CABIN1: variants seen among roughly 807,000 people sequenced by gnomAD.
CABIN1 encodes the protein calcineurin-binding protein cabin-1.
A neutral mutation model predicts 227.7 loss-of-function variants in CABIN1; 133 were observed. The ratio of observed to expected loss-of-function variants is 0.58; its 90% CI spans 0.51 to 0.67. The LOEUF is 0.67. Among genes scored for constraint, CABIN1 ranks in the 30% least tolerant of loss-of-function variants. The probability of loss-of-function intolerance (pLI) is 0.00; values close to 1 mark genes in which losing one functional copy is unlikely to be tolerated. For missense variants in CABIN1, 2,408 were observed against 2,852.5 expected (o/e 0.84, Z 3.55); for synonymous variants, 1,086 against 1,155.1 (o/e 0.94, Z 1.21).
intron 1 of CABIN1, among the ~76,000 whole-genome samples, chr22:24,024,780 G>A (rs1180863582): frequency 2.6e-5 from 4 of 151,516 alleles, no homozygotes; most frequent in East Asian, 1.9e-4. Context: ...CATTTATTTC[G>A]CCTGCTCACA....
chr22:24,119,593 A>G lies in CABIN1; in HGVS notation c.4527A>G (p.Thr1509=). 2 of 1,613,612 alleles carry G rather than the reference A, an allele frequency of 1.2e-6. No individual in the cohort carries two copies. The highest frequency in any genetic ancestry group is 1.7e-6 in the Non-Finnish European group (2 of 1,179,908). Reference sequence around the variant, plus strand: ...CTGAGGAGCAGCGGCAGTTTCTCACAGAGCAGTGCATCGCCTCCTTCCGCC... The same window carrying G: ...CTGAGGAGCAGCGGCAGTTTCTCACGGAGCAGTGCATCGCCTCCTTCCGCC... ...AGAEEQRQFL[T]EQCIASFRLC... is the part of the protein sequence containing the mutation. The change falls in exon 28 of 37, where the codon ACA becomes ACG. Residue 1509 remains threonine (T), a synonymous_variant. Transcript: ENST00000263119.
chr22:24,098,035 C>A lies in CABIN1; in HGVS notation c.3960C>A (p.Asp1320Glu), dbSNP rs917149286. The A allele has an allele frequency of 6.2e-7, 1 of 1,614,050 alleles. No homozygotes were observed. Among genetic ancestry groups the A allele is most frequent in the African/African-American group, 1.3e-5 (1 of 74,912 alleles). ...ACAGGGAGAAGGCCTGCCTGGTGGA[C>A]GAGGACTCCCACTCTTCAGCTGGGA... ...ASEKEKACLVDEDSHSSAGTL... is the reference protein window; with the variant it reads ...ASEKEKACLVEEDSHSSAGTL... The change falls in exon 26 of 37, where the codon GAC becomes GAA. Residue 1320 changes from aspartate (D) to glutamate (E), a missense_variant. Asp to Glu is a conservative substitution (Grantham distance 45). Coordinates refer to ENST00000263119, the MANE Select transcript of CABIN1 (RefSeq NM_012295.4).
At chr22:24,089,496 C>T (rs2147176478) in intron 23 of CABIN1, among the ~76,000 whole-genome samples, 1 of 152,220 alleles carries the variant, frequency 6.6e-6, no homozygotes, top group South Asian at 2.1e-4. Flanking sequence ...TGGAAATCCA[C>T]CAGGAATGCA....
intron 1 of CABIN1, among the ~76,000 whole-genome samples, chr22:24,025,382 C>T (rs2036007648): frequency 1.3e-5 from 2 of 152,144 alleles, no homozygotes; most frequent in African/African-American, 4.8e-5. Flanking sequence ...TAGAAGCCAC[C>T]TGTGAAAACA....
rs748584193 is a variant in CABIN1, at chr22:24,070,949, C to T, written c.2382C>T (p.Ile794=). ...CAGTGACCCAACTGCTGATGGGCAT[C>T]GAGCAGGCCCTCTCTGCGGACAGCA... ...VATVTQLLMG[I]EQALSADSSG... The change falls in exon 17 of 37, where the codon ATC becomes ATT. Residue 794 remains isoleucine, a synonymous_variant. Transcript: ENST00000263119. 9 of 1,614,046 alleles carry T rather than the reference C, an allele frequency of 5.6e-6. No homozygotes were observed. The highest frequency in any genetic ancestry group is 2.2e-5 in the East Asian group (1 of 44,882).
intron 1 of CABIN1, among the ~76,000 whole-genome samples, chr22:24,031,092 A>C (rs181739917): frequency 6.6e-6 from 1 of 152,300 alleles, no homozygotes; most frequent in African/African-American, 2.4e-5. Context: ...TGCCACCGCC[A>C]CACAGAGACC....
At chr22:24,164,679 T>A in intron 30 of CABIN1, 116 bp downstream of exon 30, 1 of 1,207,644 alleles carries the variant, frequency 8.3e-7, no homozygotes, top group Non-Finnish European at 1.2e-6. Flanking sequence ...GCTGGGAGCC[T>A]GGACCAGCTC....
At chr22:24,097,592 C>A (rs147574607) in intron 25 of CABIN1, among the ~76,000 whole-genome samples, 1 of 152,338 alleles carries the variant, frequency 6.6e-6, no homozygotes, top group East Asian at 1.9e-4. Context: ...TATGTTGCAG[C>A]ACATATCCTT....
At chr22:24,038,252 G>A (rs1447377560) in intron 3 of CABIN1, 96 bp from the exon 4 acceptor site, 1 of 896,484 alleles carries the variant, frequency 1.1e-6, no homozygotes, top group Non-Finnish European at 1.9e-6. Flanking sequence ...TCACATGGTT[G>A]GTTCCTCTGA....
Position 24,038,404 on chromosome 22 carries a change from G to T in CABIN1, c.153G>T (p.Arg51=). The change falls in exon 4 of 37, where the codon CGG becomes CGT. Residue 51 remains arginine (R), a synonymous_variant. Coordinates refer to ENST00000263119, the MANE Select transcript of CABIN1 (RefSeq NM_012295.4). ...CCCTTGATCTGCAGAAACATGACCGGTTTGAGGAGTCTGCCAAAGCCTACC... is the reference window on the plus strand; with the variant it reads ...CCCTTGATCTGCAGAAACATGACCGTTTTGAGGAGTCTGCCAAAGCCTACC... ...HKALDLQKHD[R]FEESAKAYHE... The T allele has an allele frequency of 2.5e-6, 4 of 1,614,172 alleles. No homozygotes were observed. The highest frequency in any genetic ancestry group is 3.4e-6 in the Non-Finnish European group (4 of 1,180,034).
At chr22:24,076,515 A>C (rs769851413) in intron 19 of CABIN1, among the ~76,000 whole-genome samples, 1 of 152,156 alleles carries the variant, frequency 6.6e-6, no homozygotes, top group Non-Finnish European at 1.5e-5. Flanking sequence ...CCTGAGGCTC[A>C]GGAAGCTCCG....
chr22:24,122,216 A>T (rs1353764574), intron 28 of CABIN1, among the ~76,000 whole-genome samples: 1 of 152,138 alleles, frequency 6.6e-6, no homozygotes, highest in Non-Finnish European at 1.5e-5. Context: ...ATTTATGTCA[A>T]AATTAAAAGT....
chr22:24,103,356 C>CTT (rs1180102571), intron 26 of CABIN1: 1 of 152,226 alleles, frequency 6.6e-6, no homozygotes, highest in Non-Finnish European at 1.5e-5. Flanking sequence ...GCAACAGACT[C>CTT]TAACATACCA....
chr22:24,070,034 C>T (rs1433423736), intron 16 of CABIN1, among the ~76,000 whole-genome samples: 1 of 151,474 alleles, frequency 6.6e-6, no homozygotes, highest in East Asian at 1.9e-4. Flanking sequence ...GATGAGAGAT[C>T]CCAGGCATTT....
chr22:24,087,846 TC>T, intron 23 of CABIN1, 133 bp downstream of exon 23: 1 of 1,200,784 alleles, frequency 8.3e-7, no homozygotes, highest in Non-Finnish European at 1.2e-6. Flanking sequence ...CTGACGAATC[TC>T]CCCATGAGGC....
chr22:24,074,926 C>T (rs1215830830), intron 18 of CABIN1, among the ~76,000 whole-genome samples: 1 of 152,224 alleles, frequency 6.6e-6, no homozygotes, highest in African/African-American at 2.4e-5. Context: ...GGCATGGTGG[C>T]TCACTCCTGT....
chr22:24,018,616 T>G (rs1404541474), intron 1 of CABIN1, among the ~76,000 whole-genome samples: 1 of 152,244 alleles, frequency 6.6e-6, no homozygotes, highest in Non-Finnish European at 1.5e-5. Flanking sequence ...TACTTGAGTC[T>G]AATTCTGGAC....
At position 24,035,492 on chromosome 22, in the gene CABIN1, C is replaced by CGT. The variant is rs1404710884; in HGVS notation, c.-24_-23dup. On this transcript the variant is annotated 5_prime_UTR_variant, in exon 2 of 37. The change abolishes the stop of an existing upstream ORF in the 5' untranslated region. Transcript: ENST00000263119. ...TTTGCCAGTGATGAGAAGTGATGCTCGTGGCAGTGCTGAATCTCTCTGAAT... is the reference window on the plus strand; with the variant it reads ...TTTGCCAGTGATGAGAAGTGATGCTCGTGTGGCAGTGCTGAATCTCTCTGAAT... The CGT allele has an allele frequency of 1.4e-5, 22 of 1,613,948 alleles. No homozygotes were observed. The highest frequency in any genetic ancestry group is 1.8e-5 in the Non-Finnish European group (21 of 1,179,998).
At chr22:24,073,424 A>G (rs979125248) in intron 18 of CABIN1, among the ~76,000 whole-genome samples, 4 of 152,230 alleles carry the variant, frequency 2.6e-5, no homozygotes, top group Admixed American at 2.0e-4. Flanking sequence ...AAAAGTGGAA[A>G]GGAAAGAGTC....
Sources: allele counts gnomAD v4.1 joint callset (sites outside exome capture counted in the v4.1 genomes callset), GRCh38; gene constraint gnomAD v4.1.1; transcripts MANE v1.5; gene names NCBI Gene and HGNC (gene_info 2026-07-23, HGNC 2026-07-21).